Variants in NRCAM observed in about 807,000 individuals in gnomAD.
NRCAM encodes the protein NgCAM-related cell adhesion molecule.
In NRCAM, 83 loss-of-function variants were observed where a neutral mutation model predicts 156.5. The ratio of observed to expected loss-of-function variants is 0.53; its 90% confidence interval spans 0.44 to 0.64. The LOEUF is 0.64. NRCAM is among the 30% of genes least tolerant of loss of function. The pLI is 0.00. For synonymous variants in NRCAM, 538 were observed against 563.9 expected (o/e 0.95, Z 0.65); for missense variants, 1,417 against 1,597.3 (o/e 0.89, Z 1.92).
Position 108,305,469 on chromosome 7 carries a change from C to T in NRCAM, c.-107+7196G>A, listed in dbSNP as rs75935638. Among the ~76,000 whole-genome samples, 1,027 of 152,246 alleles carry T rather than the reference C, an allele frequency of 6.7e-3. 6 individuals carry two copies. The highest frequency in any genetic ancestry group is 0.011 in the Non-Finnish European group (782 of 68,014). ...GGGAACGAAGCCATTTAGGAAACTA[C>T]ATTAACTGCATCTTCTCTGTGCTTT... On this transcript the variant is annotated intron_variant, in intron 3 of 32. Coordinates refer to ENST00000379028, the MANE Select transcript of NRCAM (RefSeq NM_001037132.4).
chr7:108,186,393 T>G (rs1420689560), intron 20 of NRCAM, among the ~76,000 whole-genome samples: 1 of 152,148 alleles, frequency 6.6e-6, no homozygotes, highest in African/African-American at 2.4e-5. Context: ...CTAATCTTCC[T>G]CTCCAATTGA....
intron 2 of NRCAM, among the ~76,000 whole-genome samples, chr7:108,367,233 A>T (rs2099597192): frequency 6.6e-6 from 1 of 152,222 alleles, no homozygotes; most frequent in Admixed American, 6.5e-5. Context: ...ATCAAAAAGC[A>T]ACTGCTTTGA....
chr7:108,418,586 C>T (rs1319038134), intron 1 of NRCAM, among the ~76,000 whole-genome samples: 3 of 151,604 alleles, frequency 2.0e-5, no homozygotes, highest in Non-Finnish European at 2.9e-5. Flanking sequence ...CACACACACA[C>T]ACACACACAC....
chr7:108,368,289 T>A (rs2099606583), intron 2 of NRCAM, among the ~76,000 whole-genome samples: 1 of 134,262 alleles, frequency 7.4e-6, no homozygotes. Context: ...GAAACATGGT[T>A]TCTAAAAGAT....
At chr7:108,310,885 T>C (rs1040903854) in intron 3 of NRCAM, among the ~76,000 whole-genome samples, 4 of 152,146 alleles carry the variant, frequency 2.6e-5, no homozygotes, top group Non-Finnish European at 5.9e-5. Context: ...AAGAAGTGTG[T>C]ATTGAGAAAA....
intron 1 of NRCAM, among the ~76,000 whole-genome samples, chr7:108,434,748 C>T (rs367688478): frequency 2.0e-5 from 3 of 152,250 alleles, no homozygotes; most frequent in South Asian, 4.1e-4. Context: ...GACTACTGAA[C>T]TATGCAGACA....
chr7:108,164,197 GGTGGGGTGGGGTAGTGAGAGGTCATACCA>G, intron 30 of NRCAM, among the ~76,000 whole-genome samples: 1 of 148,386 alleles, frequency 6.7e-6, no homozygotes, highest in Non-Finnish European at 1.5e-5. Flanking sequence ...GGTCATACCA[GGTGGGGTGGGGTAGTGAGAGGTCATACCA>G]GGTGGGGTGG....
intron 1 of NRCAM, among the ~76,000 whole-genome samples, chr7:108,410,866 GA>G (rs1482161582): frequency 1.3e-5 from 2 of 152,082 alleles, no homozygotes; most frequent in African/African-American, 4.8e-5. Context: ...AGCAAGCAAA[GA>G]AAAACGCCTT....
chr7:108,310,051 C>T (rs902609333), intron 3 of NRCAM, among the ~76,000 whole-genome samples: 2 of 152,100 alleles, frequency 1.3e-5, no homozygotes, highest in East Asian at 1.9e-4. Flanking sequence ...TTTAACAACT[C>T]GGTATTGTAA....
chr7:108,174,333 T>C (rs561084025), intron 28 of NRCAM, among the ~76,000 whole-genome samples: 3 of 152,354 alleles, frequency 2.0e-5, no homozygotes, highest in East Asian at 1.9e-4. Flanking sequence ...TCTAAGCAAA[T>C]AGAATAAATC....
intron 3 of NRCAM, among the ~76,000 whole-genome samples, chr7:108,248,010 A>G (rs894511122): frequency 6.6e-6 from 1 of 152,232 alleles, no homozygotes; most frequent in South Asian, 2.1e-4. Context: ...GAGAAATGAA[A>G]ATTTAATTCT....
chr7:108,278,872 T>G (rs1406755869), intron 3 of NRCAM, among the ~76,000 whole-genome samples: 2 of 151,896 alleles, frequency 1.3e-5, no homozygotes, highest in East Asian at 3.9e-4. Context: ...GTAGACCAGA[T>G]CTGTTCCTAT....
chr7:108,254,408 G>A (rs1475949443), intron 3 of NRCAM, among the ~76,000 whole-genome samples: 1 of 152,142 alleles, frequency 6.6e-6, no homozygotes, highest in African/African-American at 2.4e-5. Context: ...ACCACAATGC[G>A]ATACTACCAC....
chr7:108,207,544 A>G lies in NRCAM; in HGVS notation c.1191T>C (p.Asn397=). 3 of 1,613,934 alleles carry G rather than the reference A, an allele frequency of 1.9e-6. No homozygotes were observed. The highest frequency in any genetic ancestry group is 2.5e-6 in the Non-Finnish European group (3 of 1,179,940). The change falls in exon 13 of 33, where the codon AAT becomes AAC. Residue 397 remains asparagine (N), a synonymous_variant. Transcript: ENST00000379028. The part of the protein sequence containing the change: ...NPKPRISWLT[N]GVPIEIAPDD... The stretch of plus-strand genomic sequence containing the variant: ...GCAACTTACTTTCTATTGGGACTCC[A>G]TTTGTTAACCAGCTAATTCTGGGTT...
At chr7:108,228,493 T>G (rs984395888) in intron 8 of NRCAM, among the ~76,000 whole-genome samples, 1 of 152,182 alleles carries the variant, frequency 6.6e-6, no homozygotes, top group East Asian at 1.9e-4. Context: ...TGGTGGCATT[T>G]TGCATTGCAC....
intron 13 of NRCAM, among the ~76,000 whole-genome samples, chr7:108,199,306 T>C (rs535288527): frequency 1.9e-4 from 29 of 152,320 alleles, no homozygotes; most frequent in Non-Finnish European, 2.9e-4. Context: ...AACCAAACCA[T>C]AGTACATCCT....
At chr7:108,300,416 T>C (rs2098578560) in intron 3 of NRCAM, among the ~76,000 whole-genome samples, 1 of 152,090 alleles carries the variant, frequency 6.6e-6, no homozygotes, top group Admixed American at 6.5e-5. Flanking sequence ...ATTTTTATAA[T>C]AAACATCTAT....
At chr7:108,432,841 G>A (rs1827141602) in intron 1 of NRCAM, among the ~76,000 whole-genome samples, 1 of 151,924 alleles carries the variant, frequency 6.6e-6, no homozygotes, top group Non-Finnish European at 1.5e-5. Context: ...GGCAGAGGTT[G>A]CCGTAAGCAC....
intron 5 of NRCAM, among the ~76,000 whole-genome samples, chr7:108,235,524 G>A (rs527372517): frequency 1.3e-5 from 2 of 152,268 alleles, no homozygotes; most frequent in South Asian, 2.1e-4. Context: ...TTCTTACTCA[G>A]TGCAGCAAAA....
Sources: gnomAD v4.1 joint callset for allele counts (sites outside exome capture counted in the v4.1 genomes callset) on GRCh38, gnomAD v4.1.1 for gene constraint, MANE v1.5 for transcripts, NCBI Gene and HGNC (gene_info 2026-07-23, HGNC 2026-07-21) for gene names.